VMP1: variants seen among roughly 807,000 people sequenced by gnomAD.
The protein encoded by VMP1 is ectopic P-granules autophagy protein 3 homolog.
A neutral mutation model predicts 56.0 loss-of-function variants in VMP1; 11 were observed. That is an observed-to-expected ratio of 0.20 (90% CI 0.12 to 0.32). The LOEUF is 0.32. Ranked by LOEUF, VMP1 falls within the 10% of genes least tolerant of loss-of-function variation. VMP1 has a pLI of 1.00. For missense variants in VMP1, 296 were observed against 490.3 expected (o/e 0.60, Z 3.74); for synonymous variants, 149 against 165.0 (o/e 0.90, Z 0.74).
intron 5 of VMP1, among the ~76,000 whole-genome samples, chr17:59,748,421 C>A (rs183835687): frequency 6.6e-6 from 1 of 152,172 alleles, no homozygotes. Context: ...GGAAATAGGG[C>A]CTCTTCAGAG....
In VMP1 at chr17:59,722,542, A is replaced by T. The variant is rs536623349; in HGVS notation, c.-26-8879A>T. On this transcript the variant is annotated intron_variant, in intron 1 of 11. Coordinates refer to ENST00000262291, the MANE Select transcript of VMP1 (RefSeq NM_030938.5). ...TACAGCAACCTGTACTCCCAATTTG[A>T]TTAGATTTGAGTCTTAGGCTGGGCA... Among the ~76,000 whole-genome samples, 8 of 152,238 alleles carry T rather than the reference A, an allele frequency of 5.3e-5. No homozygotes were observed. The East Asian group carries it at 1.5e-3, about 29-fold the overall frequency.
chr17:59,834,858 A>C (rs949265899), intron 10 of VMP1, among the ~76,000 whole-genome samples: 2 of 151,030 alleles, frequency 1.3e-5, no homozygotes, highest in African/African-American at 4.9e-5. Context: ...TCCTGACCTC[A>C]GGTGATCCAC....
intron 1 of VMP1, among the ~76,000 whole-genome samples, chr17:59,711,870 C>G (rs2033946097): frequency 6.6e-6 from 1 of 152,088 alleles, no homozygotes; most frequent in African/African-American, 2.4e-5. Flanking sequence ...GGAGTATTTT[C>G]TCTTGTCCTT....
chr17:59,836,907 G>A (rs1299874), intron 10 of VMP1, among the ~76,000 whole-genome samples: 1 of 151,818 alleles, frequency 6.6e-6, no homozygotes, highest in Non-Finnish European at 1.5e-5. Context: ...AATTGTTCTA[G>A]AAAAGAAGTG....
intron 5 of VMP1, among the ~76,000 whole-genome samples, chr17:59,764,330 G>A (rs1330126146): frequency 6.6e-6 from 1 of 152,092 alleles, no homozygotes; most frequent in African/African-American, 2.4e-5. Context: ...AGGAACACAA[G>A]GGATTTTTTT....
intron 8 of VMP1, among the ~76,000 whole-genome samples, chr17:59,809,962 TACTACATTTAACCAAATTAA>T (rs887609959): frequency 1.3e-5 from 2 of 152,144 alleles, no homozygotes; most frequent in African/African-American, 2.4e-5. Flanking sequence ...ATGAAGAATA[TACTACATTTAACCAAATTAA>T]ACTACATTTA....
chr17:59,838,457 A>G, intron 11 of VMP1, 60 bp downstream of exon 11: 2 of 1,533,728 alleles, frequency 1.3e-6, no homozygotes. Flanking sequence ...AATTACATTC[A>G]CAGCTCTCAC....
chr17:59,815,075 T>C (rs553272908), intron 9 of VMP1, among the ~76,000 whole-genome samples: 2 of 152,152 alleles, frequency 1.3e-5, no homozygotes, highest in Non-Finnish European at 2.9e-5. Flanking sequence ...CAGCTTAAAA[T>C]TAGACAACCT....
At chr17:59,765,975 G>A (rs922169937) in intron 6 of VMP1, among the ~76,000 whole-genome samples, 2 of 151,400 alleles carry the variant, frequency 1.3e-5, no homozygotes, top group East Asian at 3.9e-4. Context: ...TATTAGATTG[G>A]TAAATGTCAT....
At chr17:59,823,007 G>A (rs547099218) in intron 10 of VMP1, among the ~76,000 whole-genome samples, 1 of 152,104 alleles carries the variant, frequency 6.6e-6, no homozygotes, top group Non-Finnish European at 1.5e-5. Flanking sequence ...AATTGTTTGA[G>A]GCAGGAGGTT....
chr17:59,714,799 A>G (rs2034087744), intron 1 of VMP1, among the ~76,000 whole-genome samples: 1 of 151,980 alleles, frequency 6.6e-6, no homozygotes, highest in South Asian at 2.1e-4. Context: ...CCCCCTGAGT[A>G]CCTGGGACCA....
At chr17:59,828,758 T>C (rs1484433187) in intron 10 of VMP1, among the ~76,000 whole-genome samples, 1 of 152,166 alleles carries the variant, frequency 6.6e-6, no homozygotes, top group African/African-American at 2.4e-5. Context: ...GCTACCACAT[T>C]TCAGATCCAA....
At chr17:59,768,774 A>T (rs1338448933) in intron 6 of VMP1, among the ~76,000 whole-genome samples, 1 of 152,046 alleles carries the variant, frequency 6.6e-6, no homozygotes, top group Admixed American at 6.6e-5. Context: ...TGAGGTCAGA[A>T]GTTCAAGACC....
chr17:59,717,405 C>T (rs1489674272), intron 1 of VMP1, among the ~76,000 whole-genome samples: 1 of 151,656 alleles, frequency 6.6e-6, no homozygotes. Context: ...TTTTTGGAGA[C>T]ACACTCTTGC....
At chr17:59,766,797 T>C (rs2143997607) in intron 6 of VMP1, among the ~76,000 whole-genome samples, 1 of 152,204 alleles carries the variant, frequency 6.6e-6, no homozygotes, top group East Asian at 1.9e-4. Context: ...TTGCTTTTTT[T>C]TTGAGACAGT....
intron 5 of VMP1, among the ~76,000 whole-genome samples, chr17:59,748,916 T>A (rs1286076020): frequency 2.0e-5 from 3 of 146,378 alleles, no homozygotes; most frequent in African/African-American, 7.6e-5. Context: ...TGAGACAGAG[T>A]CTCACTCTGT....
intron 5 of VMP1, among the ~76,000 whole-genome samples, chr17:59,753,353 C>T (rs543984745): frequency 4.1e-4 from 63 of 152,062 alleles, no homozygotes; most frequent in Admixed American, 2.4e-3. Context: ...GTAATTATTT[C>T]CCACTAATAG....
chr17:59,772,569 G>C (rs531242033), intron 6 of VMP1, among the ~76,000 whole-genome samples: 2 of 151,898 alleles, frequency 1.3e-5, no homozygotes, highest in South Asian at 4.2e-4. Context: ...AGGAGTTCGA[G>C]ACCAGCCTGG....
chr17:59,773,430 T>C (rs991851115), intron 6 of VMP1, among the ~76,000 whole-genome samples: 2 of 151,084 alleles, frequency 1.3e-5, no homozygotes, highest in African/African-American at 4.9e-5. Flanking sequence ...GACAGGAATC[T>C]CAGAATGTTG....
Sources: gnomAD v4.1 joint callset for allele counts (sites outside exome capture counted in the v4.1 genomes callset) on GRCh38, gnomAD v4.1.1 for gene constraint, MANE v1.5 for transcripts, NCBI Gene and HGNC (gene_info 2026-07-23, HGNC 2026-07-21) for gene names.